Variants in ADAM17 observed in about 807,000 individuals in gnomAD.
ADAM17 encodes the protein disintegrin and metalloproteinase domain-containing protein 17.
ADAM17 carries 39 observed loss-of-function variants against 96.7 expected under a neutral mutation model. The ratio of observed to expected loss-of-function variants is 0.40; its 90% confidence interval spans 0.31 to 0.53. The LOEUF (loss-of-function observed/expected upper bound fraction) is 0.53. ADAM17 is among the 20% of genes least tolerant of loss of function. The pLI, the probability that ADAM17 is intolerant of heterozygous loss-of-function variation, is 0.44. For missense variants in ADAM17, 777 were observed against 1,013.2 expected (o/e 0.77, Z 3.17); for synonymous variants, 344 against 359.2 (o/e 0.96, Z 0.48).
chr2:9,510,157 T>C, intron 10 of ADAM17, 26 bp from the exon 11 acceptor site: 1 of 1,612,844 alleles, frequency 6.2e-7, no homozygotes. Context: ...AAGAAAACAT[T>C]ATTTCTCAAT....
At chr2:9,491,507 C>CAGG (rs1662147921) in intron 17 of ADAM17, among the ~76,000 whole-genome samples, 1 of 152,186 alleles carries the variant, frequency 6.6e-6, no homozygotes, top group Admixed American at 6.5e-5. Context: ...ACACCAGGAC[C>CAGG]GCACTGACTG....
chr2:9,535,413 G>A (rs763756942), intron 4 of ADAM17, among the ~76,000 whole-genome samples: 5 of 152,198 alleles, frequency 3.3e-5, no homozygotes, highest in Non-Finnish European at 7.3e-5. Flanking sequence ...GACTTTCCTA[G>A]CTTCCTCTTT....
chr2:9,491,310 A>G (rs527921203), intron 17 of ADAM17, among the ~76,000 whole-genome samples, 159 bp from the exon 18 acceptor site: 1 of 152,318 alleles, frequency 6.6e-6, no homozygotes, highest in African/African-American at 2.4e-5. Flanking sequence ...TTCTCACCCA[A>G]GCTTTAGTTA....
intron 17 of ADAM17, 118 bp from the exon 18 acceptor site, chr2:9,491,269 G>A: frequency 1.2e-6 from 1 of 851,368 alleles, no homozygotes; most frequent in South Asian, 1.7e-5. Context: ...GTTGTAGAAA[G>A]TGATAGCAGG....
At chr2:9,517,276 G>A (rs369167625) in intron 10 of ADAM17, among the ~76,000 whole-genome samples, 1 of 152,102 alleles carries the variant, frequency 6.6e-6, no homozygotes, top group East Asian at 1.9e-4. Context: ...AGAAAAACAA[G>A]ATCTTAAGAT....
chr2:9,502,620 C>T (rs1202046404), intron 12 of ADAM17, among the ~76,000 whole-genome samples: 2 of 151,862 alleles, frequency 1.3e-5, no homozygotes, highest in African/African-American at 4.8e-5. Context: ...ACCTATAATC[C>T]CAACCCAACA....
intron 1 of ADAM17, among the ~76,000 whole-genome samples, chr2:9,548,093 G>GA (rs1665465720): frequency 6.6e-6 from 1 of 151,276 alleles, no homozygotes; most frequent in Non-Finnish European, 1.5e-5. Flanking sequence ...AAAAGAGAGA[G>GA]AAAGCCAAGG....
Position 9,514,600 on chromosome 2 carries a change from A to G in ADAM17, c.1191+3301T>C, listed in dbSNP as rs567972654. ...AAAGAGACAGGGTCTCAGGCCAGGC[A>G]CGGTGGCTCACGCCTGTAATTCCAA... On this transcript the variant is annotated intron_variant, in intron 10 of 18. Transcript: ENST00000310823. Among the ~76,000 whole-genome samples, 30 of 141,856 alleles carry G rather than the reference A, an allele frequency of 2.1e-4. No homozygotes were observed. The South Asian group carries it at 4.4e-3, about 21-fold the overall frequency. The allele number at this position is 141,856 out of a possible 152,430, so 93.1% of individuals were successfully genotyped here.
intron 1 of ADAM17, among the ~76,000 whole-genome samples, chr2:9,544,742 C>T (rs1192504155): frequency 6.6e-6 from 1 of 151,980 alleles, no homozygotes; most frequent in East Asian, 1.9e-4. Context: ...AGAAGAATCG[C>T]TTGAACCTGG....
In ADAM17 at chr2:9,528,755, A is replaced by G. The variant is rs73151539; in HGVS notation, c.451-801T>C. On this transcript the variant is annotated intron_variant, in intron 4 of 18. Coordinates refer to ENST00000310823, the MANE Select transcript of ADAM17 (RefSeq NM_003183.6). ...CCCAATGGGGAAAAAAACCCCCACA[A>G]TGAGACACCCCTGTATACCCACTAG... Among the ~76,000 whole-genome samples the G allele has an allele frequency of 9.3e-4, 142 of 152,344 alleles. 1 individual carries two copies. Among genetic ancestry groups the G allele is most frequent in the African/African-American group, 3.3e-3 (136 of 41,586 alleles).
intron 11 of ADAM17, among the ~76,000 whole-genome samples, chr2:9,509,164 T>C (rs1382544447): frequency 1.3e-5 from 2 of 152,212 alleles, no homozygotes; most frequent in African/African-American, 4.8e-5. Flanking sequence ...GGACAAATAC[T>C]TCACAATCTT....
At chr2:9,494,276 A>G (rs1572879634) in intron 15 of ADAM17, among the ~76,000 whole-genome samples, 1 of 152,228 alleles carries the variant, frequency 6.6e-6, no homozygotes, top group Non-Finnish European at 1.5e-5. Context: ...TTTCCTACTC[A>G]TTCAGCACCT....
intron 1 of ADAM17, among the ~76,000 whole-genome samples, chr2:9,543,817 A>C (rs1665308522): frequency 6.6e-6 from 1 of 152,218 alleles, no homozygotes; most frequent in African/African-American, 2.4e-5. Flanking sequence ...TGTTACAAAA[A>C]TACAGTTTGA....
intron 14 of ADAM17, chr2:9,496,182 G>T (rs1234017078): frequency 6.6e-6 from 1 of 152,130 alleles, no homozygotes; most frequent in South Asian, 2.1e-4. Flanking sequence ...AGGCTAGAGT[G>T]TAGCGGCGCA....
At chr2:9,546,362 A>C (rs922028611) in intron 1 of ADAM17, among the ~76,000 whole-genome samples, 1 of 152,214 alleles carries the variant, frequency 6.6e-6, no homozygotes. Flanking sequence ...TGGATATCTC[A>C]AATTGAAGAT....
In ADAM17 at chr2:9,494,700, A is replaced by G. The variant is rs1283515986; in HGVS notation, c.1851T>C (p.Ala617=). 12 of 1,614,144 alleles carry G rather than the reference A, an allele frequency of 7.4e-6. No individual in the cohort carries two copies. Among genetic ancestry groups the G allele is most frequent in the Non-Finnish European group, 1.0e-5 (12 of 1,180,002 alleles). ...TCCTCAAAAATAAGTTCTTTTGTTC[A>G]GCATCGACATAGGGCACACAGCGGC... The part of the protein sequence containing the change: ...LSGRCVPYVD[A]EQKNLFLRKG... The change falls in exon 15 of 19, where the codon GCT becomes GCC. Residue 617 remains alanine (A), a synonymous_variant. Transcript: ENST00000310823.
intron 8 of ADAM17, among the ~76,000 whole-genome samples, chr2:9,521,001 A>C (rs1010844390): frequency 4.8e-5 from 7 of 146,450 alleles, no homozygotes; most frequent in African/African-American, 1.8e-4. Context: ...GCATTGCTTT[A>C]TAGCGTTTTT....
chr2:9,548,108 C>T (rs1665466712), intron 1 of ADAM17, among the ~76,000 whole-genome samples: 1 of 150,292 alleles, frequency 6.7e-6, no homozygotes, highest in South Asian at 2.1e-4. Flanking sequence ...CCAAGGTGGG[C>T]GATCACTTGA....
At chr2:9,526,904 A>C (rs1016740931) in intron 5 of ADAM17, among the ~76,000 whole-genome samples, 14 of 152,244 alleles carry the variant, frequency 9.2e-5, no homozygotes, top group African/African-American at 3.1e-4. Flanking sequence ...TGAATTAACC[A>C]ATGTAACAGT....
Sources: gnomAD v4.1 joint callset for allele counts (sites outside exome capture counted in the v4.1 genomes callset) on GRCh38, gnomAD v4.1.1 for gene constraint, MANE v1.5 for transcripts, NCBI Gene and HGNC (gene_info 2026-07-23, HGNC 2026-07-21) for gene names.